SCML2: variants seen among roughly 807,000 people sequenced by gnomAD.
SCML2 encodes the protein Scm polycomb group protein like 2.
Under a neutral mutation model 48.4 loss-of-function variants are expected in SCML2, and 6 were observed. The observed-to-expected ratio is 0.12, with a 90% CI of 0.07 to 0.24. SCML2 has a LOEUF of 0.24. Ranked by LOEUF, SCML2 falls within the 10% of genes least tolerant of loss-of-function variation. SCML2 has a pLI of 1.00. For missense variants in SCML2, 377 were observed against 528.2 expected (o/e 0.71, Z 2.81); for synonymous variants, 181 against 189.5 (o/e 0.95, Z 0.37).
chrX:18,287,185 A>C (rs1928084084), intron 7 of SCML2, among the ~76,000 whole-genome samples: 1 of 112,287 alleles, frequency 8.9e-6, no homozygotes, highest in African/African-American at 3.2e-5. Context: ...CGACACAAAA[A>C]GAAAGAAATC....
At chrX:18,299,002 CT>C (rs890483567) in intron 7 of SCML2, among the ~76,000 whole-genome samples, 12 of 111,227 alleles carry the variant, frequency 1.1e-4, no homozygotes, top group African/African-American at 3.9e-4. Flanking sequence ...GATTTTATGG[CT>C]AAGACCTCAA....
chrX:18,276,541 G>A (rs1927649085), intron 7 of SCML2, among the ~76,000 whole-genome samples: 1 of 111,384 alleles, frequency 9.0e-6, no homozygotes, highest in African/African-American at 3.3e-5. Context: ...TATGTTCACA[G>A]CAGCACTATT....
intron 6 of SCML2, among the ~76,000 whole-genome samples, chrX:18,316,324 G>T (rs770226698): frequency 8.9e-6 from 1 of 111,990 alleles, no homozygotes; most frequent in African/African-American, 3.2e-5. Context: ...GGGAGGCGGA[G>T]GTTGCAGTGA....
At chrX:18,340,680 G>T (rs759484893) in intron 1 of SCML2, among the ~76,000 whole-genome samples, 1 of 108,637 alleles carries the variant, frequency 9.2e-6, no homozygotes, top group Admixed American at 9.9e-5. Context: ...CGTGATGGCA[G>T]GCACCTGTAA....
At chrX:18,293,250 T>C (rs1295652495) in intron 7 of SCML2, among the ~76,000 whole-genome samples, 1 of 111,786 alleles carries the variant, frequency 8.9e-6, no homozygotes, top group Non-Finnish European at 1.9e-5. Flanking sequence ...ATAAATGGTG[T>C]ATTGCCTAAA....
chrX:18,299,241 A>C lies in SCML2; in HGVS notation c.730+5731T>G, dbSNP rs181939279. On this transcript the variant is annotated intron_variant, in intron 7 of 14. Transcript: ENST00000251900. ...AAAAAGTGGACAAAGGGGCTGGGCA[A>C]GGTGGCTCACGCCTGTATTCCCAGC... Among the ~76,000 whole-genome samples, 617 of 111,515 alleles carry C rather than the reference A, an allele frequency of 5.5e-3. 13 individuals are homozygous for C. The highest frequency in any genetic ancestry group is 0.049 in the Admixed American group (516 of 10,564).
At chrX:18,321,039 T>C (rs1039440391) in intron 5 of SCML2, among the ~76,000 whole-genome samples, 2 of 111,564 alleles carry the variant, frequency 1.8e-5, no homozygotes, top group Non-Finnish European at 3.8e-5. Context: ...GGCAGATAGA[T>C]AGACAGATAT....
chrX:18,268,568 C>A (rs1027696918), intron 7 of SCML2, among the ~76,000 whole-genome samples: 34 of 108,144 alleles, frequency 3.1e-4, no homozygotes, highest in African/African-American at 1.1e-3. Context: ...TCTTAAAATA[C>A]TTTTTCAATC....
intron 11 of SCML2, among the ~76,000 whole-genome samples, chrX:18,250,155 G>GA (rs1250312135): frequency 3.7e-5 from 4 of 109,116 alleles, no homozygotes; most frequent in Non-Finnish European, 5.7e-5. Context: ...CCATACAAAG[G>GA]AAAAAAAAAT....
intron 10 of SCML2, 61 bp from the exon 11 acceptor site, chrX:18,257,091 T>TAA: frequency 3.6e-5 from 26 of 718,603 alleles, no homozygotes; most frequent in African/African-American, 4.5e-5. Flanking sequence ...CAACACTAAT[T>TAA]AAAAAAAAAA....
intron 1 of SCML2, among the ~76,000 whole-genome samples, chrX:18,346,154 G>A (rs1026053056): frequency 1.4e-4 from 15 of 110,782 alleles, no homozygotes; most frequent in Non-Finnish European, 2.6e-4. Flanking sequence ...ACAAGTCTAA[G>A]TCAATGGGCC....
chrX:18,351,671 A>T (rs1930379698), intron 1 of SCML2, among the ~76,000 whole-genome samples: 1 of 51,358 alleles, frequency 1.9e-5, no homozygotes, highest in Admixed American at 1.6e-4. Flanking sequence ...CAGAATAACC[A>T]GGCAAAAAAA....
chrX:18,281,289 T>C (rs1240251669), intron 7 of SCML2, among the ~76,000 whole-genome samples: 2 of 113,113 alleles, frequency 1.8e-5, no homozygotes, highest in Non-Finnish European at 3.7e-5. Flanking sequence ...AATCAAAGCA[T>C]TCTTTGAAAT....
intron 7 of SCML2, among the ~76,000 whole-genome samples, chrX:18,304,046 T>C (rs1412863095): frequency 8.9e-6 from 1 of 112,224 alleles, no homozygotes; most frequent in Non-Finnish European, 1.9e-5. Flanking sequence ...TTTTCATTTA[T>C]TTATTTTTTT....
At chrX:18,333,306 AAGAC>A (rs1929712281) in intron 2 of SCML2, among the ~76,000 whole-genome samples, 1 of 111,443 alleles carries the variant, frequency 9.0e-6, no homozygotes. Context: ...AATTTAAAAA[AAGAC>A]AGAGAGAGAT....
chrX:18,262,538 G>A (rs1927106732), intron 8 of SCML2, among the ~76,000 whole-genome samples: 1 of 106,927 alleles, frequency 9.4e-6, no homozygotes, highest in Admixed American at 9.8e-5. Flanking sequence ...ATGGGGTTTC[G>A]CCATGTTGGC....
chrX:18,304,626 A>G (rs997081078), intron 7 of SCML2, among the ~76,000 whole-genome samples: 1 of 112,132 alleles, frequency 8.9e-6, no homozygotes, highest in South Asian at 3.7e-4. Flanking sequence ...ACAATGGAAT[A>G]CCATGTATAA....
chrX:18,332,777 C>A (rs1228172415), intron 2 of SCML2, among the ~76,000 whole-genome samples: 2 of 108,302 alleles, frequency 1.8e-5, no homozygotes, highest in East Asian at 2.9e-4. Context: ...GAGTTTGAGG[C>A]CAACCTGAGC....
chrX:18,337,494 G>A (rs1025671734), intron 1 of SCML2, among the ~76,000 whole-genome samples: 7 of 109,820 alleles, frequency 6.4e-5, no homozygotes, highest in Non-Finnish European at 1.3e-4. Flanking sequence ...GAGCAGACTT[G>A]AGAGCAAGGA....
Sources: allele counts gnomAD v4.1 joint callset (sites outside exome capture counted in the v4.1 genomes callset), GRCh38; gene constraint gnomAD v4.1.1; transcripts MANE v1.5; gene names NCBI Gene and HGNC (gene_info 2026-07-23, HGNC 2026-07-21).